POMK: variants seen among roughly 807,000 people sequenced by gnomAD.
POMK encodes the protein protein O-mannose kinase.
In POMK, 19 loss-of-function variants were observed where a neutral mutation model predicts 23.0. The observed-to-expected ratio is 0.83, with a 90% CI of 0.58 to 1.21. The LOEUF (loss-of-function observed/expected upper bound fraction) is 1.21, where lower values mean the gene tolerates loss of function less well. Among genes scored for constraint, POMK ranks in the 50% most tolerant of loss-of-function variants. The probability of loss-of-function intolerance (pLI) is 0.00; values close to 1 mark genes in which losing one functional copy is unlikely to be tolerated. For missense variants in POMK, 410 were observed against 431.3 expected (o/e 0.95, Z 0.44); for synonymous variants, 173 against 171.6 (o/e 1.01, Z -0.06).
chr8:43,094,956 C>T (rs1247694050), intron 1 of POMK, among the ~76,000 whole-genome samples: 1 of 152,170 alleles, frequency 6.6e-6, no homozygotes, highest in Non-Finnish European at 1.5e-5. Flanking sequence ...TACTTCTGGA[C>T]ACGAAAGTTC....
intron 4 of POMK, among the ~76,000 whole-genome samples, chr8:43,109,450 A>G (rs1413605616): frequency 6.6e-6 from 1 of 152,204 alleles, no homozygotes; most frequent in Non-Finnish European, 1.5e-5. Context: ...TTATGTTTCC[A>G]TTAGTGTATT....
At chr8:43,115,821 G>A (rs1267118241) in intron 4 of POMK, among the ~76,000 whole-genome samples, 1 of 152,180 alleles carries the variant, frequency 6.6e-6, no homozygotes, top group South Asian at 2.1e-4. Context: ...ACAAGGCCCT[G>A]CGAGACTTAA....
chr8:43,122,902 G>A lies in POMK; in HGVS notation c.*25G>A. 6.4e-7 allele frequency: 1 copy of A among 1,571,472 alleles called. No homozygotes were observed. Among genetic ancestry groups the A allele is most frequent in the South Asian group, 1.2e-5 (1 of 86,442 alleles). On this transcript the variant is annotated 3_prime_UTR_variant, in exon 5 of 5. Transcript: ENST00000331373. ...AAAACCAGTCCAGCCAATGAAGGTG[G>A]GATTGAAGGGCTGAATGGAAGTTAC...
intron 4 of POMK, among the ~76,000 whole-genome samples, chr8:43,106,399 A>G (rs1490181757): frequency 6.6e-6 from 1 of 151,888 alleles, no homozygotes; most frequent in African/African-American, 2.4e-5. Context: ...TGTTAGATGA[A>G]TAGCTTGCAA....
intron 4 of POMK, among the ~76,000 whole-genome samples, chr8:43,111,638 G>T (rs1811668895): frequency 6.6e-6 from 1 of 152,206 alleles, no homozygotes; most frequent in Non-Finnish European, 1.5e-5. Context: ...GTGGGTCCCT[G>T]ACCCCCGAGT....
At chr8:43,108,003 A>C (rs983574135) in intron 4 of POMK, among the ~76,000 whole-genome samples, 2 of 152,206 alleles carry the variant, frequency 1.3e-5, no homozygotes, top group African/African-American at 4.8e-5. Flanking sequence ...TTTTTTACAT[A>C]GGCTTTTTAA....
intron 1 of POMK, among the ~76,000 whole-genome samples, chr8:43,094,486 G>GT (rs1811293000): frequency 6.6e-6 from 1 of 152,228 alleles, no homozygotes; most frequent in Non-Finnish European, 1.5e-5. Flanking sequence ...GAGGTGTTAA[G>GT]TGTAATCATA....
At chr8:43,094,583 G>A (rs1811295138) in intron 1 of POMK, among the ~76,000 whole-genome samples, 1 of 152,030 alleles carries the variant, frequency 6.6e-6, no homozygotes, top group Admixed American at 6.6e-5. Context: ...AGAACCTTAA[G>A]GCTAAATAAG....
intron 4 of POMK, among the ~76,000 whole-genome samples, chr8:43,119,816 T>G (rs1269698113): frequency 1.3e-5 from 2 of 152,174 alleles, no homozygotes; most frequent in Non-Finnish European, 2.9e-5. Flanking sequence ...AGTTTTCATT[T>G]GAATGTTATG....
chr8:43,100,105 C>T (rs1811407983), intron 2 of POMK, among the ~76,000 whole-genome samples: 1 of 152,100 alleles, frequency 6.6e-6, no homozygotes, highest in South Asian at 2.1e-4. Flanking sequence ...TGGCCCGGGG[C>T]AGGGAGCTGG....
At chr8:43,095,758 C>A (rs1410324606) in intron 1 of POMK, among the ~76,000 whole-genome samples, 4 of 152,220 alleles carry the variant, frequency 2.6e-5, no homozygotes, top group Non-Finnish European at 4.4e-5. Context: ...CATAACTATT[C>A]TTCTCTTAAG....
In POMK at chr8:43,123,355, A is replaced by C. The variant is rs923238658; in HGVS notation, c.*478A>C. ...ATGCCTGGCCAGTTGTTAGATTTCC[A>C]TGGATTTGTAGTTTCCAAAGTTTCT... is the stretch of plus-strand genomic sequence containing the variant. On this transcript the variant is annotated 3_prime_UTR_variant, in exon 5 of 5. Coordinates refer to ENST00000331373, the MANE Select transcript of POMK (RefSeq NM_032237.5). The C allele has an allele frequency of 6.5e-6, 1 of 153,774 alleles. No individual in the cohort carries two copies. The highest frequency in any genetic ancestry group is 6.4e-5 in the Admixed American group (1 of 15,514). 9.5% of individuals were successfully genotyped at this position (153,774 alleles called of 1,614,324 possible).
At chr8:43,106,078 C>G (rs1811537688) in intron 4 of POMK, among the ~76,000 whole-genome samples, 1 of 152,190 alleles carries the variant, frequency 6.6e-6, no homozygotes, top group Non-Finnish European at 1.5e-5. Flanking sequence ...ATACTGTTTT[C>G]CATAATGGCT....
chr8:43,116,051 C>A (rs1811792274), intron 4 of POMK, among the ~76,000 whole-genome samples: 1 of 152,250 alleles, frequency 6.6e-6, no homozygotes, highest in African/African-American at 2.4e-5. Flanking sequence ...AGTCCTTCAA[C>A]CCCGTTTAAA....
intron 2 of POMK, among the ~76,000 whole-genome samples, chr8:43,098,170 C>T (rs780475329): frequency 6.0e-4 from 92 of 152,142 alleles, no homozygotes; most frequent in Non-Finnish European, 1.1e-3. Flanking sequence ...TTAAAGTGTA[C>T]AATTCAGTGA....
chr8:43,122,259 C>G lies in POMK; in HGVS notation c.435C>G (p.Asn145Lys), dbSNP rs1301542690. The G allele has an allele frequency of 6.2e-7, 1 of 1,614,182 alleles. No individual in the cohort carries two copies. The highest frequency in any genetic ancestry group is 1.7e-5 in the Admixed American group (1 of 60,034). ...VTLLGYCEDD[N>K]TMLTEYHPLG... Reference sequence around the variant, plus strand: ...TGCTTGGCTATTGTGAGGATGACAACACTATGCTTACTGAATATCACCCTC... The same window carrying G: ...TGCTTGGCTATTGTGAGGATGACAAGACTATGCTTACTGAATATCACCCTC... The change falls in exon 5 of 5, where the codon AAC becomes AAG. Residue 145 changes from asparagine to lysine, a missense_variant. By Grantham distance (94) the Asn-to-Lys change is moderately conservative. Transcript: ENST00000331373.
At chr8:43,118,935 C>T (rs1001704663) in intron 4 of POMK, among the ~76,000 whole-genome samples, 4 of 152,186 alleles carry the variant, frequency 2.6e-5, no homozygotes, top group African/African-American at 9.7e-5. Flanking sequence ...CCTCAGCCTC[C>T]TGAGTAGCTG....
intron 4 of POMK, among the ~76,000 whole-genome samples, chr8:43,110,398 T>C (rs1482511401): frequency 6.6e-6 from 1 of 152,180 alleles, no homozygotes; most frequent in East Asian, 1.9e-4. Context: ...AGCAGGCAAG[T>C]TGTACAGTAA....
In POMK at chr8:43,110,834, A is replaced by G. The variant is rs150280568; in HGVS notation, c.282+7004A>G. On this transcript the variant is annotated intron_variant, in intron 4 of 4. Transcript: ENST00000331373. ...GAGGCTGAGGCAGGAGAATTGCTTG[A>G]AGCTGAAGCCGGGAGGCGGAGGTTG... 2.0e-3 allele frequency among the ~76,000 whole-genome samples: 310 copies of G among 152,222 alleles called. 1 individual carries two copies. The highest frequency in any genetic ancestry group is 6.9e-3 in the African/African-American group (287 of 41,540).
Sources: allele counts gnomAD v4.1 joint callset (sites outside exome capture counted in the v4.1 genomes callset), GRCh38; gene constraint gnomAD v4.1.1; transcripts MANE v1.5; gene names NCBI Gene and HGNC (gene_info 2026-07-23, HGNC 2026-07-21).